The following CBR4 variants were observed in gnomAD, a reference collection of about 807,000 sequenced individuals.
CBR4 encodes carbonyl reductase 4.
In CBR4, 22 loss-of-function variants were observed where a neutral mutation model predicts 21.0. The observed-to-expected ratio is 1.05, with a 90% CI of 0.75 to 1.50. The LOEUF is 1.50. Ranked by LOEUF, CBR4 falls within the 40% of genes most tolerant of loss-of-function variation. CBR4 has a pLI of 0.00. For missense variants in CBR4, 302 were observed against 286.3 expected, an observed-to-expected ratio of 1.05 and a Z score of -0.40; for synonymous variants, 100 against 104.4, an observed-to-expected ratio of 0.96 and a Z score of 0.26.
chr4:168,897,643 G>T (rs1261210283), intron 2 of CBR4, among the ~76,000 whole-genome samples: 1 of 152,032 alleles, frequency 6.6e-6, no homozygotes, highest in Admixed American at 6.6e-5. Flanking sequence ...GTAGAGATGG[G>T]GTCTCACTTT....
chr4:168,992,028 T>C (rs931602694), intron 4 of CBR4, among the ~76,000 whole-genome samples: 3 of 152,188 alleles, frequency 2.0e-5, no homozygotes, highest in Admixed American at 6.5e-5. Flanking sequence ...CATTAGGCCA[T>C]TGGTTTATTA....
chr4:168,963,470 CTTT>C (rs398064262), intron 2 of CBR4, among the ~76,000 whole-genome samples: 8 of 137,504 alleles, frequency 5.8e-5, no homozygotes, highest in Admixed American at 7.4e-5. Flanking sequence ...CTGTATAAAT[CTTT>C]TTTTTTTTTT....
chr4:169,004,884 A>C (rs931316722), intron 3 of CBR4, among the ~76,000 whole-genome samples: 1 of 152,226 alleles, frequency 6.6e-6, no homozygotes, highest in East Asian at 1.9e-4. Flanking sequence ...TTTTAATTCA[A>C]ATATCAACTA....
chr4:168,976,221 GCCTTC>G (rs1764367005), intron 2 of CBR4, among the ~76,000 whole-genome samples: 1 of 152,206 alleles, frequency 6.6e-6, no homozygotes. Context: ...TCTGCTGGCT[GCCTTC>G]CCTTCCCCAA....
At chr4:168,941,088 A>G (rs746406504) in intron 2 of CBR4, among the ~76,000 whole-genome samples, 1 of 152,180 alleles carries the variant, frequency 6.6e-6, no homozygotes, top group South Asian at 2.1e-4. Context: ...ACAATAACAG[A>G]AAACCAAACA....
chr4:168,905,807 T>C (rs984750461), intron 2 of CBR4, among the ~76,000 whole-genome samples: 1 of 148,032 alleles, frequency 6.8e-6, no homozygotes, highest in African/African-American at 2.5e-5. Flanking sequence ...TTTTTTTTTT[T>C]TTTCTTTTTT....
exon 3 of CBR4, chr4:168,894,720 T>TC: frequency 6.3e-7 from 1 of 1,594,204 alleles, no homozygotes; most frequent in Non-Finnish European, 8.5e-7. Context: ...ATTTATTCTG[T>TC]CCCCCTTTTC....
chr4:169,002,840 G>A (rs1730574518), intron 3 of CBR4, among the ~76,000 whole-genome samples: 1 of 151,144 alleles, frequency 6.6e-6, no homozygotes, highest in Non-Finnish European at 1.5e-5. Flanking sequence ...TGTGAGCAGT[G>A]CTCACTCTGT....
chr4:168,972,139 A>T (rs1182514127), intron 2 of CBR4, among the ~76,000 whole-genome samples: 1 of 152,112 alleles, frequency 6.6e-6, no homozygotes, highest in Admixed American at 6.6e-5. Flanking sequence ...ATTCTGTTCC[A>T]TTGGTCTATA....
At chr4:168,916,215 C>T (rs1232412794) in intron 2 of CBR4, among the ~76,000 whole-genome samples, 1 of 152,176 alleles carries the variant, frequency 6.6e-6, no homozygotes, top group Non-Finnish European at 1.5e-5. Flanking sequence ...GAGTTCAAGA[C>T]CAGCCTGGGT....
In CBR4 at chr4:169,006,828, C is replaced by T. The variant is rs1730944822; in HGVS notation, c.327G>A (p.Leu109=). The part of the protein sequence containing the change: ...DMVSQLHTNL[L]GSMLTCKAAM... The stretch of plus-strand genomic sequence containing the variant: ...CAGCTTTACAGGTCAGCATGGAACC[C>T]AAGAGGTTAGTATGAAGCTGAGATA... The change falls in exon 3 of 5, where the codon TTG becomes TTA. Residue 109 remains leucine (L), a synonymous_variant. Transcript: ENST00000306193. 1 of 1,613,152 alleles carries T rather than the reference C, an allele frequency of 6.2e-7. No homozygotes were observed. The highest frequency in any genetic ancestry group is 8.5e-7 in the Non-Finnish European group (1 of 1,179,208).
chr4:168,924,995 C>T, intron 2 of CBR4: 1 of 1,614,074 alleles, frequency 6.2e-7, no homozygotes, highest in Non-Finnish European at 8.5e-7. Flanking sequence ...CAGGGAGCCA[C>T]AAAAGAAGAT....
intron 2 of CBR4, chr4:168,904,020 CTATTT>C: frequency 9.2e-7 from 1 of 1,088,150 alleles, no homozygotes; most frequent in Non-Finnish European, 1.4e-6. Flanking sequence ...ATTTATGAAA[CTATTT>C]TTCCAAATTC....
chr4:168,972,433 G>A (rs750390971), intron 2 of CBR4, among the ~76,000 whole-genome samples: 6 of 152,058 alleles, frequency 3.9e-5, no homozygotes, highest in South Asian at 4.2e-4. Context: ...GTTTCCATTC[G>A]TTTGTGTCAT....
downstream of CBR4, among the ~76,000 whole-genome samples, chr4:168,986,763 T>C (rs781463966): frequency 3.3e-5 from 5 of 152,060 alleles, no homozygotes; most frequent in Non-Finnish European, 5.9e-5. Context: ...GGTGACACAG[T>C]GAGACCTTGT....
chr4:168,914,047 GTGT>G, intron 2 of CBR4: 1 of 1,317,824 alleles, frequency 7.6e-7, no homozygotes, highest in Non-Finnish European at 1.1e-6. Flanking sequence ...CTTCCCAGAA[GTGT>G]TACATTATTT....
At chr4:168,974,185 T>A (rs1435538935) in intron 2 of CBR4, among the ~76,000 whole-genome samples, 1 of 152,240 alleles carries the variant, frequency 6.6e-6, no homozygotes. Flanking sequence ...TTATGAAGCT[T>A]AGTTTCACTA....
intron 2 of CBR4, among the ~76,000 whole-genome samples, chr4:168,907,848 A>G (rs1332159323): frequency 6.6e-6 from 1 of 152,176 alleles, no homozygotes; most frequent in Non-Finnish European, 1.5e-5. Flanking sequence ...GAGAAAAAAA[A>G]AAGATTCAAA....
chr4:168,975,210 C>G (rs911940648), intron 2 of CBR4, among the ~76,000 whole-genome samples: 3 of 152,182 alleles, frequency 2.0e-5, no homozygotes, highest in Non-Finnish European at 4.4e-5. Context: ...CTACCAGACT[C>G]CAGGCTGGCA....
Sources: gnomAD v4.1 joint callset for allele counts (sites outside exome capture counted in the v4.1 genomes callset) on GRCh38, gnomAD v4.1.1 for gene constraint, MANE v1.5 for transcripts, NCBI Gene and HGNC (gene_info 2026-07-23, HGNC 2026-07-21) for gene names.